HEPH: variants seen among roughly 807,000 people sequenced by gnomAD.
HEPH encodes the protein hephaestin.
Under a neutral mutation model 80.8 loss-of-function variants are expected in HEPH, and 69 were observed. That is an observed-to-expected ratio of 0.85 (90% CI 0.70 to 1.04). The LOEUF is 1.04. Among genes scored for constraint, HEPH ranks in the 50% least tolerant of loss-of-function variants. HEPH has a pLI of 0.00. For synonymous variants in HEPH, 431 were observed against 322.8 expected (o/e 1.34, Z -3.60); for missense variants, 1,115 against 891.3 (o/e 1.25, Z -3.20).
chrX:66,259,021 A>T lies in HEPH; in HGVS notation c.3036+42A>T, dbSNP rs200215249. 6.8e-5 allele frequency: 79 copies of T among 1,156,450 alleles called. 1 individual carries two copies. In the East Asian group the frequency reaches 1.9e-3, roughly 27 times the overall value. On this transcript the variant is annotated intron_variant, in intron 18 of 20. Coordinates refer to ENST00000343002, the MANE Select transcript of HEPH (RefSeq NM_001367233.3). ...GCTGAGTCCCTCAAGGATGATTAGA[A>T]CAGTGGTTTAACAGCAATTGAGAAA... is the stretch of plus-strand genomic sequence containing the variant.
intron 15 of HEPH, among the ~76,000 whole-genome samples, chrX:66,241,150 A>G (rs2090559644): frequency 8.9e-6 from 1 of 112,347 alleles, no homozygotes; most frequent in Non-Finnish European, 1.9e-5. Context: ...ATCCACGACA[A>G]ACACCAACTT....
intron 15 of HEPH, 96 bp downstream of exon 15, chrX:66,208,342 G>C: frequency 1.2e-6 from 1 of 852,247 alleles, no homozygotes; most frequent in Non-Finnish European, 1.6e-6. Flanking sequence ...ACTTCAGACT[G>C]GAGTGATAGC....
chrX:66,189,539 A>T (rs1019828003), intron 5 of HEPH, 145 bp from the exon 6 acceptor site: 16 of 589,570 alleles, frequency 2.7e-5, no homozygotes, highest in Non-Finnish European at 4.2e-5. Flanking sequence ...TGTTTTTGAG[A>T]TTTAAAGAAG....
chrX:66,267,814 G>A (rs1352389802), downstream of HEPH: 11 of 110,763 alleles, frequency 9.9e-5, no homozygotes, highest in African/African-American at 3.6e-4. Flanking sequence ...TTTGTTACAT[G>A]CAAATTTGAG....
chrX:66,217,711 C>G (rs555590049), intron 15 of HEPH, among the ~76,000 whole-genome samples: 2 of 111,534 alleles, frequency 1.8e-5, no homozygotes, highest in Non-Finnish European at 3.8e-5. Flanking sequence ...ATGTAAATGG[C>G]CTAAATGCTC....
At chrX:66,171,079 G>A in intron 2 of HEPH, 2 of 314,319 alleles carry the variant, frequency 6.4e-6, no homozygotes, top group South Asian at 6.0e-5. Context: ...TGTATGGGTG[G>A]GAGCTATGCT....
chrX:66,266,194 G>A (rs1285929425), intron 20 of HEPH, among the ~76,000 whole-genome samples: 2 of 110,398 alleles, frequency 1.8e-5, no homozygotes, highest in African/African-American at 6.6e-5. Context: ...CCCAATCTGA[G>A]TCTTAGCTCT....
At chrX:66,216,311 C>A (rs1402866965) in intron 15 of HEPH, among the ~76,000 whole-genome samples, 1 of 111,822 alleles carries the variant, frequency 8.9e-6, no homozygotes, top group Admixed American at 9.5e-5. Flanking sequence ...AAAAATACAA[C>A]CGAGGACTCT....
chrX:66,202,263 T>C (rs1331704626), intron 12 of HEPH, among the ~76,000 whole-genome samples: 2 of 111,013 alleles, frequency 1.8e-5, no homozygotes, highest in African/African-American at 6.6e-5. Flanking sequence ...AGAGAAACAG[T>C]CAGAGTTCCA....
intron 15 of HEPH, among the ~76,000 whole-genome samples, chrX:66,208,631 C>CATATATAT (rs56924616): frequency 4.0e-4 from 14 of 35,109 alleles, no homozygotes; most frequent in Non-Finnish European, 6.1e-4. Flanking sequence ...TATATACATA[C>CATATATAT]ATATATATAT....
At chrX:66,244,091 A>G (rs191082523) in intron 15 of HEPH, among the ~76,000 whole-genome samples, 2 of 111,434 alleles carry the variant, frequency 1.8e-5, no homozygotes, top group East Asian at 5.6e-4. Context: ...CCTTTCCTCT[A>G]TCTGCCTTTA....
At chrX:66,257,373 T>C (rs1193177079) in intron 17 of HEPH, among the ~76,000 whole-genome samples, 1 of 111,878 alleles carries the variant, frequency 8.9e-6, no homozygotes, top group Non-Finnish European at 1.9e-5. Flanking sequence ...TGTTAAGCAG[T>C]TTCTGAGTGC....
At chrX:66,236,156 T>C (rs1412459597) in intron 15 of HEPH, among the ~76,000 whole-genome samples, 2 of 111,250 alleles carry the variant, frequency 1.8e-5, no homozygotes, top group Non-Finnish European at 3.8e-5. Context: ...TGATTGGGAG[T>C]TGTGGGAGAG....
chrX:66,173,479 A>G lies in HEPH; in HGVS notation c.413-110A>G, dbSNP rs149828704. Reference sequence around the variant, plus strand: ...ACTATGTAGGTCATTAGCATGCTACATTTTATAAGACTGGACCTAGGGTTC... The same window carrying G: ...ACTATGTAGGTCATTAGCATGCTACGTTTTATAAGACTGGACCTAGGGTTC... On this transcript the variant is annotated intron_variant, in intron 3 of 20. Transcript: ENST00000343002. 4,555 of 507,273 alleles carry G rather than the reference A, an allele frequency of 9.0e-3. 23 individuals carry two copies. The highest frequency in any genetic ancestry group is 0.011 in the Non-Finnish European group (3,341 of 307,411). The allele number at this position is 507,273 out of a possible 1,213,427, so 41.8% of individuals were successfully genotyped here. A position where few individuals can be genotyped will look rare whatever the true frequency, so the allele number is the denominator to read the frequency against.
rs1208839430 is a variant in HEPH at position 66,258,932 on chromosome X, G to A, written c.2989G>A (p.Val997Met). The A allele has an allele frequency of 8.5e-7, 1 of 1,172,898 alleles. No homozygotes were observed. The highest frequency in any genetic ancestry group is 1.1e-6 in the Non-Finnish European group (1 of 875,362). The stretch of plus-strand genomic sequence containing the variant: ...GTACATGCTGGCCATGGGCCAAGAT[G>A]TGGATCTACACACCATCCACTTTCA... Reference protein sequence around the residue: ...AWYMLAMGQDVDLHTIHFHAE... With the variant: ...AWYMLAMGQDMDLHTIHFHAE... The change falls in exon 18 of 21, where the codon GTG (valine) becomes ATG (methionine). Residue 997 changes from valine to methionine, a missense_variant. By Grantham distance (21) the Val-to-Met change is conservative. This residue lies in a region of HEPH where 716 missense variants were observed against 523.5 expected (regional missense o/e 1.37). Coordinates refer to ENST00000343002, the MANE Select transcript of HEPH (RefSeq NM_001367233.3).
At chrX:66,177,899 A>G (rs149671091) in intron 4 of HEPH, among the ~76,000 whole-genome samples, 1,099 of 109,760 alleles carry the variant, frequency 0.01, 13 homozygotes, top group Admixed American at 0.049. Flanking sequence ...TGTATCCCAG[A>G]GGTTTGGTTT....
intron 4 of HEPH, among the ~76,000 whole-genome samples, chrX:66,179,539 TA>T (rs1251096639): frequency 6.3e-5 from 7 of 111,915 alleles, no homozygotes; most frequent in Admixed American, 2.9e-4. Context: ...CCTTGGGCAG[TA>T]TTGGATGAAA....
At chrX:66,248,443 C>T (rs1602517101) in intron 15 of HEPH, among the ~76,000 whole-genome samples, 1 of 111,697 alleles carries the variant, frequency 9.0e-6, no homozygotes, top group Non-Finnish European at 1.9e-5. Flanking sequence ...TTTTGCAATT[C>T]TTGCGTTAAT....
intron 15 of HEPH, among the ~76,000 whole-genome samples, chrX:66,245,735 G>A (rs1028340429): frequency 9.0e-6 from 1 of 111,624 alleles, no homozygotes; most frequent in Non-Finnish European, 1.9e-5. Flanking sequence ...TGGAAGAAAA[G>A]CACTCCTCAG....
Sources: allele counts gnomAD v4.1 joint callset (sites outside exome capture counted in the v4.1 genomes callset), GRCh38; gene constraint gnomAD v4.1.1; regional missense constraint gnomAD v4.1.1; transcripts MANE v1.5; gene names NCBI Gene and HGNC (gene_info 2026-07-23, HGNC 2026-07-21).